Variants in CWF19L2 observed in about 807,000 individuals in gnomAD.
CWF19L2 encodes the protein CWF19 like cell cycle control factor 2, also known as CWF19-like protein 2.
Under a neutral mutation model 111.7 loss-of-function variants are expected in CWF19L2, and 98 were observed. The ratio of observed to expected loss-of-function variants is 0.88; its 90% CI spans 0.75 to 1.04. The LOEUF (loss-of-function observed/expected upper bound fraction) is 1.04. CWF19L2 is among the 50% of genes least tolerant of loss of function. CWF19L2 has a pLI of 0.00. For missense variants in CWF19L2, 1,101 were observed against 1,051.4 expected (o/e 1.05, Z -0.65); for synonymous variants, 351 against 342.9 (o/e 1.02, Z -0.26).
chr11:107,423,284 T>C (rs1206478807), intron 8 of CWF19L2, among the ~76,000 whole-genome samples: 1 of 152,032 alleles, frequency 6.6e-6, no homozygotes, highest in Non-Finnish European at 1.5e-5. Context: ...TCAATTTGCA[T>C]TCTTTCACAT....
intron 12 of CWF19L2, among the ~76,000 whole-genome samples, chr11:107,381,747 G>A (rs926098196): frequency 5.9e-5 from 9 of 152,120 alleles, no homozygotes; most frequent in Admixed American, 1.3e-4. Flanking sequence ...TAAAAAAGTA[G>A]AGGATTTCAA....
rs959515579 is a variant in CWF19L2 at position 107,373,189 on chromosome 11, A to G, written c.1872+16885T>C. Among the ~76,000 whole-genome samples, 8 of 128,972 alleles carry G rather than the reference A, an allele frequency of 6.2e-5. 1 individual carries two copies. Among genetic ancestry groups the G allele is most frequent in the Non-Finnish European group, 1.1e-4 (7 of 61,656 alleles). 84.6% of individuals were successfully genotyped at this position (128,972 alleles called of 152,430 possible). A position where few individuals can be genotyped will look rare whatever the true frequency, so the allele number is the denominator to read the frequency against. The stretch of plus-strand genomic sequence containing the variant: ...CAAACTGCAAGGCGGCAGCGAGGCT[A>G]GGGGAGGGGCGCCTGCCATTGCCCA... On this transcript the variant is annotated intron_variant, in intron 12 of 17. Transcript: ENST00000282251.
chr11:107,441,248 T>G (rs1460434764), intron 5 of CWF19L2, among the ~76,000 whole-genome samples: 1 of 152,188 alleles, frequency 6.6e-6, no homozygotes, highest in Non-Finnish European at 1.5e-5. Context: ...ACTTTCAATT[T>G]AATGATATTA....
chr11:107,361,061 T>C (rs995564823), intron 12 of CWF19L2, among the ~76,000 whole-genome samples: 1 of 152,224 alleles, frequency 6.6e-6, no homozygotes, highest in African/African-American at 2.4e-5. Flanking sequence ...CTAGGTTTTC[T>C]TCTAGAGTTT....
chr11:107,410,334 A>G (rs1369630696), intron 10 of CWF19L2, among the ~76,000 whole-genome samples: 3 of 152,158 alleles, frequency 2.0e-5, no homozygotes, highest in African/African-American at 7.2e-5. Flanking sequence ...GATGGAATAA[A>G]TTACTTTAGT....
At chr11:107,451,286 A>T (rs1047293309) in intron 3 of CWF19L2, among the ~76,000 whole-genome samples, 2 of 152,188 alleles carry the variant, frequency 1.3e-5, no homozygotes, top group African/African-American at 4.8e-5. Flanking sequence ...CAGCAATGAA[A>T]ATATAACATC....
chr11:107,397,183 G>A (rs1163160844), intron 10 of CWF19L2, among the ~76,000 whole-genome samples: 3 of 152,032 alleles, frequency 2.0e-5, no homozygotes, highest in Non-Finnish European at 4.4e-5. Flanking sequence ...CTCAAGGGAG[G>A]GCACAAATCC....
rs187891138 is a variant in CWF19L2, at chr11:107,431,676, G to C, written c.780+1958C>G. ...TTTATCACATAGTGACTACCACATA[G>C]TAGGTGTTTATTATTTGCTATCTGC... On this transcript the variant is annotated intron_variant, in intron 7 of 17. Transcript: ENST00000282251. 1.7e-3 allele frequency among the ~76,000 whole-genome samples: 252 copies of C among 152,168 alleles called. 1 individual carries two copies. The highest frequency in any genetic ancestry group is 5.9e-3 in the African/African-American group (244 of 41,544).
chr11:107,420,361 A>G (rs542157091), intron 8 of CWF19L2, among the ~76,000 whole-genome samples: 89 of 152,146 alleles, frequency 5.8e-4, no homozygotes, highest in Non-Finnish European at 1.2e-3. Flanking sequence ...AGAAAGTTGA[A>G]GTGGCTACAT....
intron 1 of CWF19L2, among the ~76,000 whole-genome samples, chr11:107,456,453 T>C (rs1011778158): frequency 1.3e-4 from 20 of 152,010 alleles, no homozygotes; most frequent in African/African-American, 4.6e-4. Context: ...ATGAATAATA[T>C]ATATATACCC....
chr11:107,428,882 T>G lies in CWF19L2; in HGVS notation c.1350A>C (p.Pro450=). The G allele has an allele frequency of 6.2e-7, 1 of 1,613,768 alleles. No homozygotes were observed. The highest frequency in any genetic ancestry group is 8.5e-7 in the Non-Finnish European group (1 of 1,179,746). ...TDEHQHVPED[P]REKSQDEVLR... Reference sequence around the variant, plus strand: ...AGACTTCATCTTGTGATTTTTCTCTTGGGTCTTCTGGAACATGTTGGTGTT... The same window carrying G: ...AGACTTCATCTTGTGATTTTTCTCTGGGGTCTTCTGGAACATGTTGGTGTT... The change falls in exon 8 of 18, where the codon CCA becomes CCC. Residue 450 remains proline (P), a synonymous_variant. Transcript: ENST00000282251.
intron 9 of CWF19L2, 49 bp from the exon 10 acceptor site, chr11:107,416,347 T>C (rs1313460029): frequency 3.7e-6 from 3 of 808,256 alleles, no homozygotes; most frequent in African/African-American, 1.8e-5. Flanking sequence ...AGTTTAATTC[T>C]TTACGACAAA....
rs971209299 is a variant in CWF19L2, at chr11:107,442,916, G to C, written c.450+23C>G. On this transcript the variant is annotated intron_variant, in intron 4 of 17. Coordinates refer to ENST00000282251, the MANE Select transcript of CWF19L2 (RefSeq NM_152434.3). Reference sequence around the variant, plus strand: ...AGGAAGGAAGGAAGAAAGCAAGGAAGGAAAATCAAGTGGCTTGCTTACCTT... The same window carrying C: ...AGGAAGGAAGGAAGAAAGCAAGGAACGAAAATCAAGTGGCTTGCTTACCTT... The C allele has an allele frequency of 2.8e-6, 4 of 1,429,138 alleles. No individual in the cohort carries two copies. In the African/African-American group the frequency reaches 4.3e-5, roughly 15 times the overall value. The allele number at this position is 1,429,138 out of a possible 1,614,324, so 88.5% of individuals were successfully genotyped here. A position where few individuals can be genotyped will look rare whatever the true frequency, so the allele number is the denominator to read the frequency against.
At chr11:107,364,788 T>C (rs201179651) in intron 12 of CWF19L2, among the ~76,000 whole-genome samples, 4,200 of 72,086 alleles carry the variant, frequency 0.058, 247 homozygotes, top group African/African-American at 0.17. Context: ...GCAAACACAT[T>C]CAAAAGCTAG....
intron 12 of CWF19L2, among the ~76,000 whole-genome samples, chr11:107,360,828 G>A (rs1000926158): frequency 1.6e-4 from 24 of 152,108 alleles, no homozygotes; most frequent in Middle Eastern, 3.4e-3. Flanking sequence ...CTTTTTAGTG[G>A]GACTATTTGT....
Position 107,370,827 on chromosome 11 carries a change from C to T in CWF19L2, c.1873-17091G>A, listed in dbSNP as rs1048205343. Among the ~76,000 whole-genome samples, 6 of 137,056 alleles carry T rather than the reference C, an allele frequency of 4.4e-5. 1 individual carries two copies. The highest frequency in any genetic ancestry group is 6.2e-5 in the Non-Finnish European group (4 of 64,194). The allele number at this position is 137,056 out of a possible 152,430, so 89.9% of individuals were successfully genotyped here. ...AGAATATTTGTATGTCCAAAAGAATCGGGAGCATTATAACTAATTCCTGTC... is the reference window on the plus strand; with the variant it reads ...AGAATATTTGTATGTCCAAAAGAATTGGGAGCATTATAACTAATTCCTGTC... On this transcript the variant is annotated intron_variant, in intron 12 of 17. Transcript: ENST00000282251.
At chr11:107,351,468 T>C (rs1860155491) in intron 13 of CWF19L2, among the ~76,000 whole-genome samples, 1 of 152,048 alleles carries the variant, frequency 6.6e-6, no homozygotes, top group Admixed American at 6.6e-5. Context: ...AGTGGAAAAG[T>C]AGGTTGGATA....
intron 8 of CWF19L2, among the ~76,000 whole-genome samples, chr11:107,418,951 G>A (rs1209464151): frequency 6.6e-6 from 1 of 152,194 alleles, no homozygotes; most frequent in East Asian, 1.9e-4. Flanking sequence ...GGATTTCTGA[G>A]TAAAGGAGAC....
At chr11:107,359,280 G>C (rs1045342257) in intron 12 of CWF19L2, among the ~76,000 whole-genome samples, 1 of 152,172 alleles carries the variant, frequency 6.6e-6, no homozygotes, top group Non-Finnish European at 1.5e-5. Flanking sequence ...AGATACTTTG[G>C]ATATGGATTT....
Sources: gnomAD v4.1 joint callset for allele counts (sites outside exome capture counted in the v4.1 genomes callset) on GRCh38, gnomAD v4.1.1 for gene constraint, MANE v1.5 for transcripts, NCBI Gene and HGNC (gene_info 2026-07-23, HGNC 2026-07-21) for gene names.